The following PCLO variants were observed in gnomAD, a reference collection of about 807,000 sequenced individuals.
PCLO encodes protein piccolo.
Under a neutral mutation model 427.5 loss-of-function variants are expected in PCLO, and 82 were observed. The ratio of observed to expected loss-of-function variants is 0.19; its 90% CI spans 0.16 to 0.23. The LOEUF is 0.23. PCLO is among the 10% of genes least tolerant of loss of function. The pLI, the probability that PCLO is intolerant of heterozygous loss-of-function variation, is 1.00. For missense variants in PCLO, 6,239 were observed against 6,115.9 expected (o/e 1.02, Z -0.67); for synonymous variants, 2,357 against 2,155.4 (o/e 1.09, Z -2.59).
chr7:83,092,122 G>A (rs1790392321), intron 3 of PCLO, among the ~76,000 whole-genome samples: 1 of 152,142 alleles, frequency 6.6e-6, no homozygotes, highest in Non-Finnish European at 1.5e-5. Flanking sequence ...TGGAGCATGA[G>A]GAACTCACTA....
At chr7:83,091,356 CAT>C (rs924691488) in intron 3 of PCLO, among the ~76,000 whole-genome samples, 3 of 152,114 alleles carry the variant, frequency 2.0e-5, no homozygotes, top group African/African-American at 7.2e-5. Context: ...AAAATAGAAT[CAT>C]ATTCTCTCCA....
At position 82,949,533 on chromosome 7, in the gene PCLO, C is replaced by G; in HGVS notation, c.11055G>C (p.Leu3685=). Residue 3685 remains leucine (L), a synonymous_variant, in exon 6 of 25, where the codon CTG becomes CTC. Coordinates refer to ENST00000333891, the MANE Select transcript of PCLO (RefSeq NM_033026.6). ...TGGAACTTTCGTCTGCTGTTGGACTCAGAGGCTTGGGGTCAGACATAGAAC... is the reference window on the plus strand; with the variant it reads ...TGGAACTTTCGTCTGCTGTTGGACTGAGAGGCTTGGGGTCAGACATAGAAC... ...MQRSMSDPKP[L]SPTADESSRA... The G allele has an allele frequency of 2.5e-6, 4 of 1,613,430 alleles. No individual in the cohort carries two copies. The highest frequency in any genetic ancestry group is 3.4e-6 in the Non-Finnish European group (4 of 1,179,640).
intron 3 of PCLO, among the ~76,000 whole-genome samples, chr7:83,132,243 T>C (rs907119102): frequency 6.6e-5 from 10 of 152,198 alleles, no homozygotes; most frequent in African/African-American, 2.4e-4. Context: ...TTAGATCTTC[T>C]TCCCTTCTGA....
chr7:83,131,676 T>C (rs1422671140), intron 3 of PCLO, among the ~76,000 whole-genome samples: 2 of 152,036 alleles, frequency 1.3e-5, no homozygotes, highest in Non-Finnish European at 2.9e-5. Context: ...ATCTGAGTAT[T>C]TTCAGAATGT....
intron 3 of PCLO, among the ~76,000 whole-genome samples, chr7:83,070,905 C>A (rs1376638684): frequency 6.6e-6 from 1 of 152,098 alleles, no homozygotes. Flanking sequence ...TTAATAAAGT[C>A]TAATATTATT....
At chr7:83,086,473 A>G (rs1790234923) in intron 3 of PCLO, among the ~76,000 whole-genome samples, 1 of 140,728 alleles carries the variant, frequency 7.1e-6, no homozygotes, top group Admixed American at 7.4e-5. Flanking sequence ...GACAGGTAAA[A>G]CCATGCCAAG....
rs1562888330 is a variant in PCLO at position 82,965,782 on chromosome 7, T to C, written c.4006A>G (p.Lys1336Glu). ...AAAATTTAACTTACTGTTTTTTCTT[T>C]CCCAGGTTCCACCTGATCAGGTTTT... Reference protein sequence around the residue: ...TAKPDQVEPGKEKTEKEDDKS... With the variant: ...TAKPDQVEPGEEKTEKEDDKS... The change falls in exon 4 of 25, where the codon AAA becomes GAA. Residue 1336 changes from lysine (K) to glutamate (E), a missense_variant. By Grantham distance (56) the Lys-to-Glu change is moderately conservative (BLOSUM62 1). Coordinates refer to ENST00000333891, the MANE Select transcript of PCLO (RefSeq NM_033026.6). The C allele has an allele frequency of 6.3e-7, 1 of 1,581,214 alleles. No homozygotes were observed. Among genetic ancestry groups the C allele is most frequent in the Non-Finnish European group, 8.6e-7 (1 of 1,167,792 alleles).
intron 22 of PCLO, among the ~76,000 whole-genome samples, chr7:82,791,216 G>A (rs1791093885): frequency 8.8e-6 from 1 of 113,040 alleles, no homozygotes; most frequent in Non-Finnish European, 2.0e-5. Flanking sequence ...AGGGGTTTGT[G>A]TAGATTTTTT....
chr7:82,856,243 T>C (rs1388380620), intron 10 of PCLO, among the ~76,000 whole-genome samples: 1 of 152,160 alleles, frequency 6.6e-6, no homozygotes, highest in Non-Finnish European at 1.5e-5. Flanking sequence ...TTGATTACAT[T>C]TGATTTACAG....
At chr7:82,783,962 C>T (rs1024633322) in intron 22 of PCLO, among the ~76,000 whole-genome samples, 1 of 150,348 alleles carries the variant, frequency 6.7e-6, no homozygotes, top group Non-Finnish European at 1.5e-5. Context: ...TAGACACATA[C>T]ATACATGAAT....
intron 3 of PCLO, among the ~76,000 whole-genome samples, chr7:83,022,074 A>G (rs1045138551): frequency 3.3e-5 from 5 of 152,290 alleles, no homozygotes. Flanking sequence ...TTAAGAGGTA[A>G]GGCCTTTTGT....
intron 3 of PCLO, among the ~76,000 whole-genome samples, chr7:83,024,407 A>T (rs12707537): frequency 6.6e-6 from 1 of 152,292 alleles, no homozygotes. Flanking sequence ...TGAGCTTAAA[A>T]AACGGCGCAG....
chr7:82,823,765 T>C (rs1271334792), intron 19 of PCLO, among the ~76,000 whole-genome samples: 1 of 152,170 alleles, frequency 6.6e-6, no homozygotes, highest in African/African-American at 2.4e-5. Context: ...ATTCTTTGTA[T>C]GATAAATAAA....
chr7:83,076,683 A>C (rs960508764), intron 3 of PCLO, among the ~76,000 whole-genome samples: 8 of 144,440 alleles, frequency 5.5e-5, no homozygotes, highest in Non-Finnish European at 8.9e-5. Flanking sequence ...GTACATGTGC[A>C]CAATGTGCAT....
chr7:82,799,921 G>T (rs1490267357), intron 22 of PCLO, among the ~76,000 whole-genome samples: 1 of 152,032 alleles, frequency 6.6e-6, no homozygotes, highest in Non-Finnish European at 1.5e-5. Flanking sequence ...CTAGTCATTT[G>T]TTTCCTCTAT....
intron 3 of PCLO, among the ~76,000 whole-genome samples, chr7:83,126,255 G>A (rs1022619629): frequency 1.3e-5 from 2 of 152,138 alleles, no homozygotes; most frequent in East Asian, 3.8e-4. Context: ...CAGGGCTGTG[G>A]GGATAGTTAA....
At chr7:83,090,779 C>A (rs1406936170) in intron 3 of PCLO, among the ~76,000 whole-genome samples, 1 of 151,908 alleles carries the variant, frequency 6.6e-6, no homozygotes, top group Non-Finnish European at 1.5e-5. Flanking sequence ...GGAACTAAAA[C>A]AGTATATTTT....
chr7:83,110,456 G>T (rs1254166939), intron 3 of PCLO, among the ~76,000 whole-genome samples: 2 of 151,230 alleles, frequency 1.3e-5, no homozygotes, highest in African/African-American at 4.9e-5. Context: ...TTCCCTTTTT[G>T]CCTAATCGCT....
At chr7:82,789,519 A>G (rs1042401855) in intron 22 of PCLO, among the ~76,000 whole-genome samples, 1 of 152,156 alleles carries the variant, frequency 6.6e-6, no homozygotes, top group African/African-American at 2.4e-5. Flanking sequence ...CAGCCTGGCC[A>G]ACATGGTGAA....
Sources: gnomAD v4.1 joint callset for allele counts (sites outside exome capture counted in the v4.1 genomes callset) on GRCh38, gnomAD v4.1.1 for gene constraint, MANE v1.5 for transcripts, NCBI Gene and HGNC (gene_info 2026-07-23, HGNC 2026-07-21) for gene names.